The following RALGDS variants were observed in gnomAD, a reference collection of about 807,000 sequenced individuals.
The protein encoded by RALGDS is ral guanine nucleotide exchange factor.
RALGDS carries 44 observed loss-of-function variants against 99.8 expected under a neutral mutation model. The observed-to-expected ratio is 0.44, with a 90% CI of 0.35 to 0.57. RALGDS has a LOEUF of 0.57. Among genes scored for constraint, RALGDS ranks in the 20% least tolerant of loss-of-function variants. The pLI is 0.01. For synonymous variants in RALGDS, 529 were observed against 505.0 expected, an observed-to-expected ratio of 1.05 and a Z score of -0.64; for missense variants, 1,022 against 1,203.1, an observed-to-expected ratio of 0.85 and a Z score of 2.23.
At chr9:133,111,281 C>T (rs894716436) in intron 2 of RALGDS, among the ~76,000 whole-genome samples, 3 of 152,118 alleles carry the variant, frequency 2.0e-5, no homozygotes, top group Non-Finnish European at 4.4e-5. Flanking sequence ...CGCACAGCAT[C>T]TTCCCCGTGG....
chr9:133,116,003 TG>T (rs1327602933), intron 1 of RALGDS, among the ~76,000 whole-genome samples: 2 of 152,190 alleles, frequency 1.3e-5, no homozygotes, highest in Non-Finnish European at 2.9e-5. Flanking sequence ...CCTACAGAGG[TG>T]GGGACCCATG....
At position 133,103,769 on chromosome 9, in the gene RALGDS, G is replaced by A. The variant is rs1243441798; in HGVS notation, c.1736C>T (p.Thr579Ile). 1.2e-6 allele frequency: 2 copies of A among 1,613,424 alleles called. No homozygotes were observed. Among genetic ancestry groups the A allele is most frequent in the South Asian group, 1.1e-5 (1 of 91,086 alleles). Residue 579 changes from threonine (T) to isoleucine (I), a missense_variant, in exon 11 of 18, where the codon ACT (threonine) becomes ATT (isoleucine). This residue lies in a region of RALGDS where 825 missense variants were observed against 994.5 expected (regional missense o/e 0.83). Transcript: ENST00000372050. ...TFLTDLVMLD[T>I]AMKDYLYGRL... ...CACATACAGATAGTCCTTCATGGCA[G>A]TGTCCAGCATCACCAGGTCGGTGAG...
chr9:133,105,825 G>GGCCCC, intron 9 of RALGDS, 107 bp downstream of exon 9: 2 of 87,590 alleles, frequency 2.3e-5, no homozygotes, highest in South Asian at 1.1e-4. Flanking sequence ...CGCCGCCCCA[G>GGCCCC]CCCCCGCCCC....
chr9:133,117,725 C>T (rs897454974), intron 1 of RALGDS, among the ~76,000 whole-genome samples: 1 of 152,242 alleles, frequency 6.6e-6, no homozygotes, highest in Non-Finnish European at 1.5e-5. Flanking sequence ...GGAAGTCCAA[C>T]CCTGGGACTG....
chr9:133,127,152 CATA>C (rs1474117237), intron 1 of RALGDS, among the ~76,000 whole-genome samples: 1 of 152,252 alleles, frequency 6.6e-6, no homozygotes, highest in African/African-American at 2.4e-5. Flanking sequence ...AGAGGCAGAT[CATA>C]AAAGCTGCCC....
rs1471993950 is a variant in RALGDS at position 133,144,842 on chromosome 9, T to C, written c.18+4121A>G. Among the ~76,000 whole-genome samples the C allele has an allele frequency of 6.6e-6, 1 of 152,214 alleles. No individual in the cohort carries two copies. The highest frequency in any genetic ancestry group is 1.5e-5 in the Non-Finnish European group (1 of 68,038). ...TCTGGTACCCGTGAATGAGATCTTA[T>C]TTGGAAATAGGGTCTGTGCGGATAG... On this transcript the variant is annotated intron_variant, in intron 1 of 17. Transcript: ENST00000393160. The surrounding 1 kb of genome is among the most constrained non-coding windows in gnomAD (Gnocchi z 4.5).
intron 1 of RALGDS, among the ~76,000 whole-genome samples, chr9:133,115,320 G>C (rs530568740): frequency 6.6e-6 from 1 of 152,200 alleles, no homozygotes; most frequent in Non-Finnish European, 1.5e-5. Context: ...GGGCTGAAGC[G>C]GAGTGAGGAG....
In RALGDS at chr9:133,103,049, G is replaced by A. The variant is rs1218281558; in HGVS notation, c.1792-149C>T. 3 of 1,416,876 alleles carry A rather than the reference G, an allele frequency of 2.1e-6. No individual in the cohort carries two copies. In the Admixed American group the frequency reaches 5.9e-5, roughly 28 times the overall value. 87.8% of individuals were successfully genotyped at this position (1,416,876 alleles called of 1,614,324 possible). ...CAAAGTTGGGCTCAGCCACTCCCCA[G>A]GAGGTGGTCCTGGATTATAACCTCC... On this transcript the variant is annotated intron_variant, in intron 12 of 17. Transcript: ENST00000372050.
chr9:133,147,099 G>C (rs1832634469), intron 1 of RALGDS, among the ~76,000 whole-genome samples: 3 of 152,212 alleles, frequency 2.0e-5, no homozygotes, highest in South Asian at 4.1e-4. Context: ...CCCCTGGGCT[G>C]CCCCTCCCAC....
intron 1 of RALGDS, among the ~76,000 whole-genome samples, chr9:133,137,620 G>C (rs1034064866): frequency 6.6e-6 from 1 of 152,244 alleles, no homozygotes; most frequent in East Asian, 1.9e-4. Flanking sequence ...AGCCAGGCGG[G>C]GGAAGAGCGA....
upstream of RALGDS, among the ~76,000 whole-genome samples, chr9:133,124,063 GAC>G (rs747752024): frequency 2.7e-3 from 173 of 63,616 alleles, 6 homozygotes; most frequent in Middle Eastern, 0.015. Flanking sequence ...CAGAGACACA[GAC>G]ACACACACAC....
At chr9:133,129,226 G>T in intron 1 of RALGDS, 2 of 1,597,206 alleles carry the variant, frequency 1.3e-6, no homozygotes, top group Non-Finnish European at 1.7e-6. Context: ...TTCTCCTGGC[G>T]GTCACCACAG....
At chr9:133,122,004 G>A (rs1487644138), upstream of RALGDS, among the ~76,000 whole-genome samples, 1 of 152,252 alleles carries the variant, frequency 6.6e-6, no homozygotes, top group Non-Finnish European at 1.5e-5. Context: ...CAGGGAGGTG[G>A]GGGAGAGCGG....
chr9:133,126,026 G>T (rs1468542967), upstream of RALGDS, among the ~76,000 whole-genome samples: 1 of 152,182 alleles, frequency 6.6e-6, no homozygotes, highest in African/African-American at 2.4e-5. Context: ...GTGAACTTGG[G>T]TGGGTTTGAC....
chr9:133,126,407 G>C (rs1247491050), intron 1 of RALGDS, among the ~76,000 whole-genome samples: 2 of 152,252 alleles, frequency 1.3e-5, no homozygotes, highest in Non-Finnish European at 2.9e-5. Context: ...GGCTTGCGAA[G>C]TGTTTTTAAA....
In RALGDS at chr9:133,127,801, G is replaced by A. The variant is rs112653358; in HGVS notation, c.132+3151C>T. Among the ~76,000 whole-genome samples, 61 of 152,314 alleles carry A rather than the reference G, an allele frequency of 4.0e-4. 1 individual carries two copies. The highest frequency in any genetic ancestry group is 1.3e-3 in the African/African-American group (55 of 41,568). On this transcript the variant is annotated intron_variant, in intron 1 of 17. Transcript: ENST00000372062. ...CTGGCCAGGTGAGAAGCGAAGCACC[G>A]AACCACTGAAATCTCCAGGAGACCA...
At chr9:133,111,155 A>G (rs1032008122) in intron 2 of RALGDS, among the ~76,000 whole-genome samples, 1 of 152,216 alleles carries the variant, frequency 6.6e-6, no homozygotes, top group Non-Finnish European at 1.5e-5. Flanking sequence ...TTAGCTGAGT[A>G]ATGGTAGCTG....
rs931531759 is a variant in RALGDS, at chr9:133,101,734, G to C, written c.2240C>G (p.Pro747Arg). 2 of 1,612,388 alleles carry C rather than the reference G, an allele frequency of 1.2e-6. No homozygotes were observed. Among genetic ancestry groups the C allele is most frequent in the Non-Finnish European group, 1.7e-6 (2 of 1,179,212 alleles). Residue 747 changes from proline to arginine, a missense_variant, in exon 16 of 18, where the codon CCG (proline) becomes CGG (arginine). Pro to Arg is a moderately radical substitution (Grantham distance 103, BLOSUM62 -2). Coordinates refer to ENST00000372050, the MANE Select transcript of RALGDS (RefSeq NM_006266.4). ...KFWESASQSSPETSGISSASS... is the reference protein window; with the variant it reads ...KFWESASQSSRETSGISSASS... ...GGCTGAGCTGATGCCGGAGGTCTCC[G>C]GGGATGACTGTGAGGCTGATTCCCA...
chr9:133,112,772 C>G (rs925187723), intron 1 of RALGDS, among the ~76,000 whole-genome samples: 1 of 152,196 alleles, frequency 6.6e-6, no homozygotes, highest in Non-Finnish European at 1.5e-5. Context: ...AGGTGTGGGG[C>G]ACCCCAGACA....
Sources: gnomAD v4.1 joint callset for allele counts (sites outside exome capture counted in the v4.1 genomes callset) on GRCh38, gnomAD v4.1.1 for gene constraint, gnomAD v4.1.1 regional missense constraint, Gnocchi (gnomAD v3.1) non-coding constraint, MANE v1.5 for transcripts, NCBI Gene and HGNC (gene_info 2026-07-23, HGNC 2026-07-21) for gene names.